ARHGEF4: variants seen among roughly 807,000 people sequenced by gnomAD.
ARHGEF4 encodes APC-stimulated guanine nucleotide exchange factor 1.
ARHGEF4 carries 119 observed loss-of-function variants against 162.0 expected under a neutral mutation model. The observed-to-expected ratio is 0.73, with a 90% CI of 0.63 to 0.86. The LOEUF (loss-of-function observed/expected upper bound fraction) is 0.86, where lower values mean the gene tolerates loss of function less well. ARHGEF4 is among the 40% of genes least tolerant of loss of function. The pLI, the probability that ARHGEF4 is intolerant of heterozygous loss-of-function variation, is 0.00. For missense variants in ARHGEF4, 2,488 were observed against 2,456.0 expected (o/e 1.01, Z -0.28); for synonymous variants, 1,014 against 979.9 (o/e 1.03, Z -0.65).
In ARHGEF4 at chr2:130,916,526, C is replaced by T. The variant is rs1421258013; in HGVS notation, c.2580C>T (p.Val860=). Residue 860 remains valine, a synonymous_variant, in exon 2 of 14, where the codon GTC becomes GTT. Transcript: ENST00000409359. ...HGDASAWPEF[V]PQAAGDRTAG... Reference sequence around the variant, plus strand: ...ACGCCAGCGCCTGGCCCGAGTTTGTCCCGCAGGCTGCAGGCGACAGGACTG... The same window carrying T: ...ACGCCAGCGCCTGGCCCGAGTTTGTTCCGCAGGCTGCAGGCGACAGGACTG... 5.2e-6 allele frequency: 8 copies of T among 1,549,486 alleles called. 1 individual carries two copies. In the South Asian group the frequency reaches 9.5e-5, roughly 18 times the overall value.
At chr2:130,933,398 T>C (rs1682756490) in intron 3 of ARHGEF4, among the ~76,000 whole-genome samples, 1 of 152,218 alleles carries the variant, frequency 6.6e-6, no homozygotes, top group Non-Finnish European at 1.5e-5. Flanking sequence ...AAAATTGTTT[T>C]GGCTTTTTGT....
At chr2:131,013,938 C>A (rs1320736202) in intron 4 of ARHGEF4, among the ~76,000 whole-genome samples, 2 of 152,174 alleles carry the variant, frequency 1.3e-5, no homozygotes, top group Non-Finnish European at 2.9e-5. Context: ...TATAATCTAC[C>A]ATGAACAATG....
intron 1 of ARHGEF4, among the ~76,000 whole-genome samples, chr2:130,865,594 C>A (rs903289490): frequency 6.6e-6 from 1 of 152,230 alleles, no homozygotes; most frequent in Non-Finnish European, 1.5e-5. Context: ...CCAAATCACA[C>A]ACTCAGGACC....
chr2:130,933,464 G>A (rs1682760866), intron 3 of ARHGEF4, among the ~76,000 whole-genome samples: 1 of 152,074 alleles, frequency 6.6e-6, no homozygotes, highest in African/African-American at 2.4e-5. Flanking sequence ...AAAAAATAAA[G>A]GCCCTTGGGA....
In ARHGEF4 at chr2:130,945,808, G is replaced by A. The variant is rs191294932; in HGVS notation, c.3859-701G>A. 2.7e-3 allele frequency among the ~76,000 whole-genome samples: 405 copies of A among 152,214 alleles called. 2 individuals are homozygous for A. The highest frequency in any genetic ancestry group is 7.9e-3 in the African/African-American group (329 of 41,530). On this transcript the variant is annotated intron_variant, in intron 3 of 13. Coordinates refer to ENST00000409359, the MANE Select transcript of ARHGEF4 (RefSeq NM_001367493.1). ...TGGATGGGGTGAAGTGTGCAACTCC[G>A]TCTTTATCATTGTTTGTATATTGAT... is the stretch of plus-strand genomic sequence containing the variant.
At chr2:131,012,709 C>T (rs1293562439) in intron 4 of ARHGEF4, among the ~76,000 whole-genome samples, 1 of 152,126 alleles carries the variant, frequency 6.6e-6, no homozygotes, top group Non-Finnish European at 1.5e-5. Context: ...GCCTCCTGAG[C>T]AGCCGGGATT....
At chr2:130,840,798 C>G (rs1031208329) in intron 1 of ARHGEF4, among the ~76,000 whole-genome samples, 3 of 152,192 alleles carry the variant, frequency 2.0e-5, no homozygotes, top group Non-Finnish European at 4.4e-5. Flanking sequence ...ACAGTGTCAG[C>G]TCAGAACCAG....
intron 1 of ARHGEF4, among the ~76,000 whole-genome samples, chr2:130,848,009 G>A (rs1681118687): frequency 6.6e-6 from 1 of 152,342 alleles, no homozygotes. Flanking sequence ...ACGGGTGTGA[G>A]GGAGCCACGT....
At chr2:130,953,921 G>A (rs1044371258) in intron 4 of ARHGEF4, among the ~76,000 whole-genome samples, 4 of 152,222 alleles carry the variant, frequency 2.6e-5, no homozygotes, top group African/African-American at 9.6e-5. Flanking sequence ...TGGAGAGAAT[G>A]TGGAGAAATA....
At chr2:130,886,461 T>C (rs999630606) in intron 1 of ARHGEF4, among the ~76,000 whole-genome samples, 1 of 151,764 alleles carries the variant, frequency 6.6e-6, no homozygotes, top group Non-Finnish European at 1.5e-5. Context: ...GGGCGGATCA[T>C]GAGGTCAGGA....
chr2:130,952,305 G>A (rs373197349), intron 4 of ARHGEF4, among the ~76,000 whole-genome samples: 12 of 152,142 alleles, frequency 7.9e-5, no homozygotes, highest in East Asian at 7.7e-4. Flanking sequence ...ATTCTTAGTT[G>A]CCAAGATTTC....
intron 4 of ARHGEF4, among the ~76,000 whole-genome samples, chr2:131,021,844 A>G (rs1170853458): frequency 1.3e-5 from 2 of 151,980 alleles, no homozygotes; most frequent in African/African-American, 4.8e-5. Context: ...TTTTCCTTCT[A>G]TTTCTAGTTT....
At chr2:130,894,344 CAG>C (rs1191550860) in intron 1 of ARHGEF4, among the ~76,000 whole-genome samples, 1 of 152,122 alleles carries the variant, frequency 6.6e-6, no homozygotes, top group Non-Finnish European at 1.5e-5. Flanking sequence ...TCACTACTGA[CAG>C]GGGCCCGGGA....
chr2:130,898,961 T>TG (rs1559026905), intron 1 of ARHGEF4, among the ~76,000 whole-genome samples: 1 of 152,022 alleles, frequency 6.6e-6, no homozygotes, highest in Non-Finnish European at 1.5e-5. Flanking sequence ...CAGCTCATAT[T>TG]CCCAGCTTCT....
Position 131,037,881 on chromosome 2 carries a change from G to T in ARHGEF4, c.4126-972G>T, listed in dbSNP as rs574485418. On this transcript the variant is annotated intron_variant, in intron 5 of 13. Transcript: ENST00000409359. ...CACTGCATAAGAGCAGTCCTGAAGT[G>T]CCTGTCACAGAGGTAGCAGCTGCAA... is the stretch of plus-strand genomic sequence containing the variant. Among the ~76,000 whole-genome samples the T allele has an allele frequency of 3.9e-5, 6 of 152,320 alleles. No homozygotes were observed. The South Asian group carries it at 1.2e-3, about 32-fold the overall frequency.
At chr2:130,926,046 T>C (rs866901624) in intron 2 of ARHGEF4, among the ~76,000 whole-genome samples, 6 of 16,272 alleles carry the variant, frequency 3.7e-4, no homozygotes, top group African/African-American at 1.2e-3. Flanking sequence ...CTTTCTTTCT[T>C]TCTCTTTCTT....
chr2:130,946,668 C>G, intron 4 of ARHGEF4, 33 bp downstream of exon 4: 1 of 1,611,994 alleles, frequency 6.2e-7, no homozygotes, highest in African/African-American at 1.3e-5. Context: ...TTGCTATGTA[C>G]TCTGGATCCT....
intron 4 of ARHGEF4, among the ~76,000 whole-genome samples, chr2:131,014,352 A>G (rs1369190037): frequency 2.6e-5 from 4 of 152,196 alleles, no homozygotes; most frequent in African/African-American, 7.2e-5. Context: ...ATCATGACAC[A>G]GCCATGTTTT....
chr2:130,853,886 C>T (rs748702148), intron 1 of ARHGEF4, among the ~76,000 whole-genome samples: 19 of 152,168 alleles, frequency 1.2e-4, no homozygotes, highest in Non-Finnish European at 2.6e-4. Context: ...CTTAGTTAGC[C>T]TTGAAGGATG....
Sources: allele counts gnomAD v4.1 joint callset (sites outside exome capture counted in the v4.1 genomes callset), GRCh38; gene constraint gnomAD v4.1.1; transcripts MANE v1.5; gene names NCBI Gene and HGNC (gene_info 2026-07-23, HGNC 2026-07-21).